NFIB: variants seen among roughly 807,000 people sequenced by gnomAD.
The protein encoded by NFIB is nuclear factor I B, also known as nuclear factor 1 B-type.
Under a neutral mutation model 61.5 loss-of-function variants are expected in NFIB, and 11 were observed. The ratio of observed to expected loss-of-function variants is 0.18; its 90% CI spans 0.11 to 0.30. The LOEUF (loss-of-function observed/expected upper bound fraction) is 0.30. Among genes scored for constraint, NFIB ranks in the 10% least tolerant of loss-of-function variants. NFIB has a pLI of 1.00. For missense variants in NFIB, 471 were observed against 608.9 expected (o/e 0.77, Z 2.38); for synonymous variants, 260 against 216.5 (o/e 1.20, Z -1.76).
intron 1 of NFIB, among the ~76,000 whole-genome samples, chr9:14,311,472 T>C (rs2060274934): frequency 6.6e-6 from 1 of 152,160 alleles, no homozygotes; most frequent in African/African-American, 2.4e-5. Context: ...ATTCCTTCCC[T>C]GGTGTAGGCC....
intron 1 of NFIB, among the ~76,000 whole-genome samples, chr9:14,335,581 A>G (rs1313140771): frequency 6.6e-6 from 1 of 152,176 alleles, no homozygotes; most frequent in Non-Finnish European, 1.5e-5. Context: ...GTATACTGTG[A>G]ATACAAAGCC....
intron 2 of NFIB, among the ~76,000 whole-genome samples, chr9:14,281,980 C>CA (rs2058403887): frequency 6.6e-6 from 1 of 152,040 alleles, no homozygotes; most frequent in African/African-American, 2.4e-5. Flanking sequence ...TATTATATTT[C>CA]AAAAAACCAA....
intron 2 of NFIB, among the ~76,000 whole-genome samples, chr9:14,223,239 C>T (rs951776270): frequency 6.6e-6 from 1 of 152,200 alleles, no homozygotes; most frequent in Non-Finnish European, 1.5e-5. Context: ...AGAGCAGGGA[C>T]TTCCTGACAG....
chr9:14,484,695 T>C, the NFIB span, among the ~76,000 whole-genome samples: 7 of 152,182 alleles, frequency 4.6e-5, no homozygotes, highest in Non-Finnish European at 1.0e-4. Flanking sequence ...TGAAAGTTCA[T>C]TAATGTAATA....
rs543047018 is a variant in NFIB at position 14,348,394 on chromosome 9, T to G, written c.109-40874A>C. 2.6e-5 allele frequency among the ~76,000 whole-genome samples: 4 copies of G among 151,632 alleles called. No individual in the cohort carries two copies. The East Asian group carries it at 7.8e-4, about 29-fold the overall frequency. ...AGTTTACAGCCTGAAGCAGCTTATT[T>G]AGGCTCGCTGAGCGCCGTTCCAAAC... On this transcript the variant is annotated intron_variant, in intron 1 of 8. Transcript: ENST00000380934.
intron 2 of NFIB, among the ~76,000 whole-genome samples, chr9:14,257,725 T>TAGCAC: frequency 6.6e-6 from 1 of 151,982 alleles, no homozygotes; most frequent in Non-Finnish European, 1.5e-5. Flanking sequence ...CACAGCACTT[T>TAGCAC]AGCCTGAGCG....
At chr9:14,100,995 T>C (rs999361208) in intron 10 of NFIB, among the ~76,000 whole-genome samples, 1 of 152,186 alleles carries the variant, frequency 6.6e-6, no homozygotes, top group Non-Finnish European at 1.5e-5. Flanking sequence ...TATGGAAATA[T>C]TAGGTTATTA....
chr9:14,396,658 T>C (rs1176378985), intron 1 of NFIB, among the ~76,000 whole-genome samples: 2 of 152,206 alleles, frequency 1.3e-5, no homozygotes, highest in African/African-American at 2.4e-5. Flanking sequence ...CAGGATACTA[T>C]ATATTATCCC....
chr9:14,213,736 C>A (rs945101702), intron 2 of NFIB, among the ~76,000 whole-genome samples: 7 of 152,204 alleles, frequency 4.6e-5, no homozygotes, highest in African/African-American at 1.7e-4. Flanking sequence ...CAGGTCTCCA[C>A]CCAGATGCAT....
chr9:14,430,274 T>C, the NFIB span, among the ~76,000 whole-genome samples: 1 of 152,086 alleles, frequency 6.6e-6, no homozygotes, highest in African/African-American at 2.4e-5. Flanking sequence ...CACTGACTGC[T>C]GCTACACCAA....
the NFIB span, among the ~76,000 whole-genome samples, chr9:14,499,619 T>C: frequency 1.3e-5 from 2 of 152,184 alleles, no homozygotes; most frequent in South Asian, 4.1e-4. Flanking sequence ...GAGTATTGTA[T>C]TCTTTGGATA....
At chr9:14,169,451 G>A (rs1481544953) in intron 3 of NFIB, among the ~76,000 whole-genome samples, 2 of 152,130 alleles carry the variant, frequency 1.3e-5, no homozygotes, top group East Asian at 3.9e-4. Flanking sequence ...AAAAAGATTT[G>A]TAACAACTTT....
chr9:14,112,887 G>A, intron 10 of NFIB, 112 bp downstream of exon 10: 1 of 847,166 alleles, frequency 1.2e-6, no homozygotes, highest in Non-Finnish European at 1.8e-6. Flanking sequence ...GATCAGTTTT[G>A]GTCTCAGAAG....
At chr9:14,517,797 T>C in the NFIB span, among the ~76,000 whole-genome samples, 1 of 152,188 alleles carries the variant, frequency 6.6e-6, no homozygotes, top group Non-Finnish European at 1.5e-5. Flanking sequence ...CCATGGGCTG[T>C]TTCCCAGTTC....
At chr9:14,518,831 A>C in the NFIB span, among the ~76,000 whole-genome samples, 68,866 of 151,958 alleles carry the variant, frequency 0.45, 16,123 homozygotes, top group Middle Eastern at 0.56. Flanking sequence ...ACCTCAGGCC[A>C]TATTTCCAAT....
At chr9:14,127,842 G>C (rs1461278555) in intron 6 of NFIB, among the ~76,000 whole-genome samples, 1 of 150,692 alleles carries the variant, frequency 6.6e-6, no homozygotes, top group Non-Finnish European at 1.5e-5. Context: ...AGGCGGATTT[G>C]TAGCTGTAAG....
the NFIB span, among the ~76,000 whole-genome samples, chr9:14,523,440 C>G: frequency 2.0e-5 from 3 of 152,066 alleles, no homozygotes; most frequent in Non-Finnish European, 4.4e-5. Flanking sequence ...CTTGAGGTTT[C>G]TGTTATTCCT....
At chr9:14,515,973 G>A in the NFIB span, among the ~76,000 whole-genome samples, 4 of 152,216 alleles carry the variant, frequency 2.6e-5, no homozygotes, top group Non-Finnish European at 5.9e-5. Flanking sequence ...CTGCTCAGCT[G>A]GCTTCCCTCC....
Position 14,389,936 on chromosome 9 carries a change from C to T in NFIB, c.108+8588G>A, listed in dbSNP as rs117694231. On this transcript the variant is annotated intron_variant, in intron 1 of 8. Coordinates refer to the NFIB transcript ENST00000380934. ...GTGTCATGGATAAACATATGATTTCCATTAGATTTCTCAAAACACGGAAAA... is the reference window on the plus strand; with the variant it reads ...GTGTCATGGATAAACATATGATTTCTATTAGATTTCTCAAAACACGGAAAA... 5.3e-5 allele frequency among the ~76,000 whole-genome samples: 8 copies of T among 152,274 alleles called. No homozygotes were observed. The East Asian group carries it at 1.5e-3, about 29-fold the overall frequency.
Sources: gnomAD v4.1 joint callset for allele counts (sites outside exome capture counted in the v4.1 genomes callset) on GRCh38, gnomAD v4.1.1 for gene constraint, MANE v1.5 for transcripts, NCBI Gene and HGNC (gene_info 2026-07-23, HGNC 2026-07-21) for gene names.